The following DPYD variants were observed in gnomAD, a reference collection of about 807,000 sequenced individuals.
DPYD encodes dihydropyrimidine dehydrogenase, also known as dihydropyrimidine dehydrogenase [NADP(+)].
Under a neutral mutation model 116.2 loss-of-function variants are expected in DPYD, and 109 were observed. That is an observed-to-expected ratio of 0.94 (90% CI 0.80 to 1.10). DPYD has a LOEUF of 1.10. DPYD is among the 50% of genes least tolerant of loss of function. DPYD has a pLI of 0.00. For synonymous variants in DPYD, 440 were observed against 432.0 expected (o/e 1.02, Z -0.23); for missense variants, 1,302 against 1,254.5 (o/e 1.04, Z -0.57).
At chr1:97,419,434 TATA>T (rs1483471368) in intron 14 of DPYD, among the ~76,000 whole-genome samples, 1 of 152,194 alleles carries the variant, frequency 6.6e-6, no homozygotes, top group African/African-American at 2.4e-5. Context: ...TAATCACTAT[TATA>T]ATACATTATG....
At chr1:97,557,794 T>C (rs1303151797) in intron 11 of DPYD, among the ~76,000 whole-genome samples, 1 of 152,200 alleles carries the variant, frequency 6.6e-6, no homozygotes, top group African/African-American at 2.4e-5. Context: ...AAGAAGAATG[T>C]TAGAAAAAAT....
chr1:97,639,270 T>G (rs1442669991), intron 8 of DPYD, among the ~76,000 whole-genome samples: 1 of 152,190 alleles, frequency 6.6e-6, no homozygotes, highest in Non-Finnish European at 1.5e-5. Flanking sequence ...GGTATATATA[T>G]GTAAACAGTT....
chr1:97,117,929 T>C (rs1488383479), intron 20 of DPYD, among the ~76,000 whole-genome samples: 1 of 152,196 alleles, frequency 6.6e-6, no homozygotes, highest in East Asian at 1.9e-4. Flanking sequence ...AGTTTTTATT[T>C]GACAAGAAAT....
At chr1:97,233,682 T>G (rs1661725159) in intron 19 of DPYD, among the ~76,000 whole-genome samples, 1 of 152,224 alleles carries the variant, frequency 6.6e-6, no homozygotes, top group African/African-American at 2.4e-5. Context: ...GTTGAGCTTC[T>G]TTGGCTCCAA....
At chr1:97,404,700 T>C (rs1673553241) in intron 14 of DPYD, among the ~76,000 whole-genome samples, 1 of 152,112 alleles carries the variant, frequency 6.6e-6, no homozygotes, top group Admixed American at 6.6e-5. Context: ...GACTTTCTTA[T>C]ACGCAATACA....
chr1:97,450,447 A>G (rs1384761356), intron 13 of DPYD, among the ~76,000 whole-genome samples: 1 of 152,176 alleles, frequency 6.6e-6, no homozygotes. Flanking sequence ...TTGTAATTCT[A>G]GGTTTAGAAT....
intron 19 of DPYD, among the ~76,000 whole-genome samples, chr1:97,200,584 T>C (rs1659131703): frequency 6.6e-6 from 1 of 152,216 alleles, no homozygotes; most frequent in African/African-American, 2.4e-5. Flanking sequence ...TAACCTATTT[T>C]GATAAGCACA....
At chr1:97,875,814 C>A (rs1215783831) in intron 2 of DPYD, among the ~76,000 whole-genome samples, 1 of 151,908 alleles carries the variant, frequency 6.6e-6, no homozygotes. Context: ...AATAAGAAAG[C>A]TATTGCCCAG....
chr1:97,725,420 C>T lies in DPYD; in HGVS notation c.322-3749G>A, dbSNP rs1257500900. Among the ~76,000 whole-genome samples, 3 of 151,328 alleles carry T rather than the reference C, an allele frequency of 2.0e-5. No individual in the cohort carries two copies. In the East Asian group the frequency reaches 5.8e-4, roughly 29 times the overall value. On this transcript the variant is annotated intron_variant, in intron 4 of 22. Transcript: ENST00000370192. ...TTTCAATACAATCTCTACTAAAATC[C>T]CAGCTGAGTTTGCAAAAATTGACAA...
At chr1:97,141,030 G>A in intron 20 of DPYD, among the ~76,000 whole-genome samples, 1 of 152,102 alleles carries the variant, frequency 6.6e-6, no homozygotes, top group East Asian at 1.9e-4. Context: ...TAAACATGAG[G>A]AGGTAGGGAA....
intron 13 of DPYD, among the ~76,000 whole-genome samples, chr1:97,478,163 T>C (rs1678092589): frequency 6.6e-6 from 1 of 152,228 alleles, no homozygotes; most frequent in Non-Finnish European, 1.5e-5. Flanking sequence ...AAGGAGTCAG[T>C]AGGTCTCAAC....
At chr1:97,409,348 AC>A (rs1251413223) in intron 14 of DPYD, among the ~76,000 whole-genome samples, 1 of 152,174 alleles carries the variant, frequency 6.6e-6, no homozygotes, top group Non-Finnish European at 1.5e-5. Flanking sequence ...CAAGAGTGGT[AC>A]TGTGTCTTAG....
At chr1:97,598,657 A>T (rs1056451192) in intron 8 of DPYD, among the ~76,000 whole-genome samples, 5 of 152,154 alleles carry the variant, frequency 3.3e-5, no homozygotes, top group Admixed American at 2.6e-4. Context: ...GGAAGGAAGG[A>T]TCCTGCTTAT....
At chr1:97,519,449 G>A (rs991134763) in intron 12 of DPYD, among the ~76,000 whole-genome samples, 4 of 152,088 alleles carry the variant, frequency 2.6e-5, no homozygotes, top group African/African-American at 2.4e-5. Context: ...CACAACACAT[G>A]GGAATACAAG....
chr1:97,227,195 C>T (rs750556332), intron 19 of DPYD, among the ~76,000 whole-genome samples: 37 of 151,486 alleles, frequency 2.4e-4, no homozygotes, highest in Non-Finnish European at 4.6e-4. Flanking sequence ...TGTGGTGGCA[C>T]GCACTTGTAA....
intron 14 of DPYD, among the ~76,000 whole-genome samples, chr1:97,442,748 A>G (rs1675869350): frequency 2.0e-5 from 3 of 152,188 alleles, no homozygotes; most frequent in Admixed American, 1.3e-4. Flanking sequence ...TAATTTTTAA[A>G]TTGGTAACTA....
rs181099152 is a variant in DPYD at position 97,607,384 on chromosome 1, T to C, written c.851-12218A>G. On this transcript the variant is annotated intron_variant, in intron 8 of 22. Coordinates refer to ENST00000370192, the MANE Select transcript of DPYD (RefSeq NM_000110.4). ...TCTTCTACTGCACTGTGATTCAGTA[T>C]AGTGGAAGAGGGGCAGATTCTAAGG... Among the ~76,000 whole-genome samples, 111 of 151,978 alleles carry C rather than the reference T, an allele frequency of 7.3e-4. 1 individual carries two copies. The highest frequency in any genetic ancestry group is 3.4e-3 in the Middle Eastern group (1 of 294).
intron 8 of DPYD, among the ~76,000 whole-genome samples, chr1:97,638,240 C>G (rs1657681538): frequency 6.6e-6 from 1 of 152,026 alleles, no homozygotes; most frequent in South Asian, 2.1e-4. Flanking sequence ...GCTCAGCATA[C>G]CAGGATTTGG....
rs575175235 is a variant in DPYD at position 97,791,248 on chromosome 1, T to C, written c.233+36866A>G. Among the ~76,000 whole-genome samples, 6 of 152,330 alleles carry C rather than the reference T, an allele frequency of 3.9e-5. No homozygotes were observed. In the East Asian group the frequency reaches 9.6e-4, roughly 24 times the overall value. ...AAATGTCAGAGAACCTAAAAATCAT[T>C]GTGACAATCATTTCCAAATGTCCAT... On this transcript the variant is annotated intron_variant, in intron 3 of 22. Transcript: ENST00000370192.
Sources: allele counts gnomAD v4.1 joint callset (sites outside exome capture counted in the v4.1 genomes callset), GRCh38; gene constraint gnomAD v4.1.1; transcripts MANE v1.5; gene names NCBI Gene and HGNC (gene_info 2026-07-23, HGNC 2026-07-21).